The following RPA1 variants were observed in gnomAD, a reference collection of about 807,000 sequenced individuals.
The protein encoded by RPA1 is replication protein A 70 kDa DNA-binding subunit.
RPA1 carries 49 observed loss-of-function variants against 83.0 expected under a neutral mutation model. The ratio of observed to expected loss-of-function variants is 0.59; its 90% CI spans 0.47 to 0.75. RPA1 has a LOEUF of 0.75. RPA1 is among the 30% of genes least tolerant of loss of function. RPA1 has a pLI of 0.00. For missense variants in RPA1, 693 were observed against 776.1 expected, an observed-to-expected ratio of 0.89 and a Z score of 1.27; for synonymous variants, 279 against 281.8, an observed-to-expected ratio of 0.99 and a Z score of 0.10.
intron 5 of RPA1, 121 bp from the exon 6 acceptor site, chr17:1,872,313 C>T: frequency 7.0e-7 from 1 of 1,430,884 alleles, no homozygotes; most frequent in South Asian, 1.3e-5. Context: ...GAATTCTAAT[C>T]CATGGGAGTC....
intron 12 of RPA1, among the ~76,000 whole-genome samples, chr17:1,882,522 T>G (rs1206675182): frequency 6.6e-6 from 1 of 151,790 alleles, no homozygotes; most frequent in African/African-American, 2.4e-5. Context: ...GGGCCTGTAG[T>G]CCCAGCTACT....
At chr17:1,856,092 G>C (rs936347099) in intron 5 of RPA1, among the ~76,000 whole-genome samples, 1 of 152,068 alleles carries the variant, frequency 6.6e-6, no homozygotes, top group African/African-American at 2.4e-5. Context: ...GGGAGAACGA[G>C]GCAAGCCGAT....
In RPA1 at chr17:1,897,385, C is replaced by T; in HGVS notation, c.*210C>T. On this transcript the variant is annotated 3_prime_UTR_variant, in exon 17 of 17. Transcript: ENST00000254719. ...GGTTGTGGTGTAGACTGTGTCAGGCCTACGGAGTCAGCCAGTGGCTAGCGC... is the reference window on the plus strand; with the variant it reads ...GGTTGTGGTGTAGACTGTGTCAGGCTTACGGAGTCAGCCAGTGGCTAGCGC... 2.0e-6 allele frequency: 1 copy of T among 508,174 alleles called. No homozygotes were observed. Among genetic ancestry groups the T allele is most frequent in the Non-Finnish European group, 3.5e-6 (1 of 287,722 alleles). The allele number at this position is 508,174 out of a possible 1,614,324, so 31.5% of individuals were successfully genotyped here. A position where few individuals can be genotyped will look rare whatever the true frequency, so the allele number is the denominator to read the frequency against.
rs574732775 is a variant in RPA1, at chr17:1,836,101, T to G, written c.33+5975T>G. 3.4e-5 allele frequency among the ~76,000 whole-genome samples: 5 copies of G among 145,364 alleles called. No individual in the cohort carries two copies. The East Asian group carries it at 9.9e-4, about 29-fold the overall frequency. On this transcript the variant is annotated intron_variant, in intron 1 of 16. Transcript: ENST00000254719. Reference sequence around the variant, plus strand: ...TGACATTTTGCTTACGTATAGTAAATTGCACCTTTTTTATTTATTTATTTA... The same window carrying G: ...TGACATTTTGCTTACGTATAGTAAAGTGCACCTTTTTTATTTATTTATTTA...
chr17:1,889,831 C>G (rs982017154), intron 14 of RPA1, among the ~76,000 whole-genome samples: 8 of 151,762 alleles, frequency 5.3e-5, no homozygotes, highest in Non-Finnish European at 1.0e-4. Context: ...GAAACCCTGT[C>G]TCTACTAAAA....
intron 5 of RPA1, among the ~76,000 whole-genome samples, chr17:1,866,762 C>T (rs1913192265): frequency 6.6e-6 from 1 of 152,234 alleles, no homozygotes; most frequent in Non-Finnish European, 1.5e-5. Flanking sequence ...TGCCCGGCCA[C>T]CGTTTTAGTT....
At chr17:1,851,500 A>G (rs749142051) in intron 4 of RPA1, among the ~76,000 whole-genome samples, 28 of 152,098 alleles carry the variant, frequency 1.8e-4, no homozygotes, top group Non-Finnish European at 3.8e-4. Context: ...AAAGTCACTT[A>G]ATGTGTCCTT....
In RPA1 at chr17:1,875,735, T is replaced by G; in HGVS notation, c.529T>G (p.Ser177Ala). 1 of 1,614,158 alleles carries G rather than the reference T, an allele frequency of 6.2e-7. No homozygotes were observed. Among genetic ancestry groups the G allele is most frequent in the Non-Finnish European group, 8.5e-7 (1 of 1,180,018 alleles). The part of the protein sequence containing the change: ...KAAGPSLSHT[S>A]GGTQSKVVPI... ...TGCAGGTCCCAGCCTGTCACACACT[T>G]CTGGGGGAACACAGTCCAAAGTGGT... Residue 177 changes from serine to alanine, a missense_variant, in exon 7 of 17, where the codon TCT becomes GCT. By Grantham distance (99) the Ser-to-Ala change is moderately conservative (BLOSUM62 1). Transcript: ENST00000254719.
chr17:1,893,961 G>A (rs570483805), intron 15 of RPA1, among the ~76,000 whole-genome samples: 1 of 151,624 alleles, frequency 6.6e-6, no homozygotes, highest in East Asian at 1.9e-4. Context: ...CTTGGGCTCA[G>A]ACAGTCCTGC....
Position 1,891,921 on chromosome 17 carries a change from T to C in RPA1, c.1640T>C (p.Leu547Pro). ...EAILGQNAAY[L>P]GELKDKNEQA... Reference sequence around the variant, plus strand: ...ATCCTTGGACAAAATGCTGCTTATCTTGGGGAATTAAAAGACAAGGTCAGC... The same window carrying C: ...ATCCTTGGACAAAATGCTGCTTATCCTGGGGAATTAAAAGACAAGGTCAGC... Residue 547 changes from leucine to proline, a missense_variant, in exon 15 of 17, where the codon CTT (leucine) becomes CCT (proline). Transcript: ENST00000254719. 1 of 1,605,950 alleles carries C rather than the reference T, an allele frequency of 6.2e-7. No individual in the cohort carries two copies. The highest frequency in any genetic ancestry group is 8.5e-7 in the Non-Finnish European group (1 of 1,173,624).
Position 1,879,688 on chromosome 17 carries a change from TG to T in RPA1, c.1087del (p.Glu363LysfsTer60), listed in dbSNP as rs1567822315. ...TSGKVVTATLWGEDADKFDGS... is the reference protein window; with the variant it reads ...TSGKVVTATLXGEDADKFDGS... ...CGGGAAGGTGGTGACTGCTACACTG[TG>T]GGGGGAAGATGTAAGTGCTGGGATG... On this transcript the variant is annotated frameshift_variant, in exon 11 of 17. Coordinates refer to ENST00000254719, the MANE Select transcript of RPA1 (RefSeq NM_002945.5). LOFTEE classifies it high-confidence loss of function. 1 of 1,614,120 alleles carries T rather than the reference TG, an allele frequency of 6.2e-7. No homozygotes were observed. Among genetic ancestry groups the T allele is most frequent in the Non-Finnish European group, 8.5e-7 (1 of 1,180,008 alleles).
At chr17:1,846,701 T>G (rs571231085) in intron 4 of RPA1, among the ~76,000 whole-genome samples, 1 of 152,332 alleles carries the variant, frequency 6.6e-6, no homozygotes, top group African/African-American at 2.4e-5. Flanking sequence ...TTTTTCTGTG[T>G]GTTATTCCTT....
intron 12 of RPA1, 98 bp downstream of exon 12, chr17:1,880,789 T>C: frequency 6.6e-7 from 1 of 1,514,028 alleles, no homozygotes; most frequent in Non-Finnish European, 9.0e-7. Context: ...GCAGAAGCCT[T>C]CGTCCCTGAG....
intron 7 of RPA1, 109 bp downstream of exon 7, chr17:1,875,902 C>A: frequency 3.7e-6 from 4 of 1,077,528 alleles, no homozygotes; most frequent in South Asian, 2.5e-5. Context: ...CCAAATACCA[C>A]CAAATAGAAT....
At chr17:1,845,905 G>T (rs1912237247) in intron 4 of RPA1, among the ~76,000 whole-genome samples, 1 of 152,106 alleles carries the variant, frequency 6.6e-6, no homozygotes, top group South Asian at 2.1e-4. Flanking sequence ...TGCACTCCAG[G>T]CTGGGCAGGA....
intron 1 of RPA1, among the ~76,000 whole-genome samples, chr17:1,831,052 C>T (rs1911548688): frequency 6.6e-6 from 1 of 152,146 alleles, no homozygotes. Context: ...AGGCATGAAC[C>T]ACCGCGCCTG....
chr17:1,847,948 A>G (rs1029146999), intron 4 of RPA1, among the ~76,000 whole-genome samples: 8 of 151,896 alleles, frequency 5.3e-5, no homozygotes, highest in Non-Finnish European at 7.4e-5. Context: ...GCTTGAACCC[A>G]AGAGGCGGAG....
intron 4 of RPA1, among the ~76,000 whole-genome samples, chr17:1,849,034 T>C (rs912820921): frequency 8.5e-5 from 13 of 152,226 alleles, no homozygotes; most frequent in African/African-American, 2.9e-4. Context: ...ATTTCTTTTA[T>C]AGATAATCTG....
intron 5 of RPA1, chr17:1,858,142 A>G (rs1025833227): frequency 6.2e-7 from 1 of 1,613,970 alleles, no homozygotes; most frequent in East Asian, 2.2e-5. Flanking sequence ...TAGGTTCCAC[A>G]TCAAGTGTCG....
Sources: allele counts gnomAD v4.1 joint callset (sites outside exome capture counted in the v4.1 genomes callset), GRCh38; gene constraint gnomAD v4.1.1; transcripts MANE v1.5; gene names NCBI Gene and HGNC (gene_info 2026-07-23, HGNC 2026-07-21).